ADGRB3: variants seen among roughly 807,000 people sequenced by gnomAD.
ADGRB3 encodes adhesion G protein-coupled receptor B3.
A neutral mutation model predicts 193.4 loss-of-function variants in ADGRB3; 37 were observed. The ratio of observed to expected loss-of-function variants is 0.19; its 90% confidence interval spans 0.15 to 0.25. The LOEUF (loss-of-function observed/expected upper bound fraction) is 0.25, where lower values mean the gene tolerates loss of function less well. Ranked by LOEUF, ADGRB3 falls within the 10% of genes least tolerant of loss-of-function variation. The pLI, the probability that ADGRB3 is intolerant of heterozygous loss-of-function variation, is 1.00. For missense variants in ADGRB3, 1,637 were observed against 1,852.9 expected (o/e 0.88, Z 2.14); for synonymous variants, 690 against 644.2 (o/e 1.07, Z -1.08).
intron 3 of ADGRB3, among the ~76,000 whole-genome samples, chr6:68,908,107 ATAAAT>A (rs914601219): frequency 1.3e-5 from 2 of 152,026 alleles, no homozygotes; most frequent in Non-Finnish European, 2.9e-5. Flanking sequence ...ATTAAAGACA[ATAAAT>A]TATTTAATTA....
At chr6:68,699,034 A>G (rs1765200069) in intron 3 of ADGRB3, among the ~76,000 whole-genome samples, 1 of 152,162 alleles carries the variant, frequency 6.6e-6, no homozygotes, top group Non-Finnish European at 1.5e-5. Flanking sequence ...AATAAAATGA[A>G]TATTAAAATA....
chr6:68,780,018 T>C (rs1227367661), intron 3 of ADGRB3, among the ~76,000 whole-genome samples: 1 of 152,106 alleles, frequency 6.6e-6, no homozygotes, highest in Non-Finnish European at 1.5e-5. Flanking sequence ...AGTATACATA[T>C]ATTTGTTCCC....
Position 69,222,842 on chromosome 6 carries a change from A to G in ADGRB3, c.2481-10448A>G, listed in dbSNP as rs368894151. Among the ~76,000 whole-genome samples, 29 of 152,308 alleles carry G rather than the reference A, an allele frequency of 1.9e-4. No individual in the cohort carries two copies. In the East Asian group the frequency reaches 4.6e-3, roughly 24 times the overall value. On this transcript the variant is annotated intron_variant, in intron 17 of 31. Coordinates refer to ENST00000370598, the MANE Select transcript of ADGRB3 (RefSeq NM_001704.3). ...TATTGATTTTTAAAAAAAGAATTCA[A>G]TAGTTTCAAATGAGTGATATTGGGA...
At chr6:68,898,682 C>T (rs1358203677) in intron 3 of ADGRB3, among the ~76,000 whole-genome samples, 5 of 152,082 alleles carry the variant, frequency 3.3e-5, no homozygotes, top group East Asian at 1.9e-4. Context: ...ACTTTGCAGT[C>T]GAGAAATCAG....
intron 17 of ADGRB3, among the ~76,000 whole-genome samples, chr6:69,153,395 C>A (rs1389322761): frequency 6.6e-6 from 1 of 151,976 alleles, no homozygotes; most frequent in African/African-American, 2.4e-5. Flanking sequence ...AATGGAATAA[C>A]AAAGGATAAA....
In ADGRB3 at chr6:68,656,046, A is replaced by T. The variant is rs1205242155; in HGVS notation, c.757+16614A>T. Among the ~76,000 whole-genome samples, 4 of 151,714 alleles carry T rather than the reference A, an allele frequency of 2.6e-5. No individual in the cohort carries two copies. The Middle Eastern group carries it at 0.01, about 387-fold the overall frequency. On this transcript the variant is annotated intron_variant, in intron 3 of 31. Transcript: ENST00000370598. ...AAGTATAATTTATGTCTTGGCCTGTATTGAATGCCTTTTTCCTCCTGAGCA... is the reference window on the plus strand; with the variant it reads ...AAGTATAATTTATGTCTTGGCCTGTTTTGAATGCCTTTTTCCTCCTGAGCA...
chr6:69,080,849 A>G (rs1772366628), intron 17 of ADGRB3, among the ~76,000 whole-genome samples: 1 of 152,022 alleles, frequency 6.6e-6, no homozygotes, highest in African/African-American at 2.4e-5. Flanking sequence ...AACTGATTAC[A>G]TTATTACAGT....
intron 20 of ADGRB3, among the ~76,000 whole-genome samples, chr6:69,257,065 G>T (rs973501366): frequency 6.6e-6 from 1 of 152,218 alleles, no homozygotes; most frequent in South Asian, 2.1e-4. Context: ...ACTTGATCAC[G>T]GTGGATAAGC....
intron 17 of ADGRB3, among the ~76,000 whole-genome samples, chr6:69,106,174 A>AAAAAAAAAAAAC: frequency 6.7e-6 from 1 of 149,112 alleles, no homozygotes; most frequent in Non-Finnish European, 1.5e-5. Context: ...TAAAAAAAAA[A>AAAAAAAAAAAAC]AAAAAAAAAG....
At chr6:68,651,155 G>C (rs886626277) in intron 3 of ADGRB3, among the ~76,000 whole-genome samples, 1 of 152,150 alleles carries the variant, frequency 6.6e-6, no homozygotes, top group Non-Finnish European at 1.5e-5. Flanking sequence ...TTACAGATAT[G>C]TCAGCCTGTG....
intron 3 of ADGRB3, among the ~76,000 whole-genome samples, chr6:68,753,101 C>T (rs1562016138): frequency 6.6e-6 from 1 of 152,114 alleles, no homozygotes. Context: ...AGAAGAGCTG[C>T]TATGGAAAAG....
At chr6:69,017,648 A>G (rs1336654) in intron 12 of ADGRB3, among the ~76,000 whole-genome samples, 15,679 of 151,880 alleles carry the variant, frequency 0.1, 1,740 homozygotes, top group East Asian at 0.59. Flanking sequence ...CTAGGTAGGC[A>G]GGTAGATAAG....
intron 17 of ADGRB3, among the ~76,000 whole-genome samples, chr6:69,109,897 A>G (rs140130632): frequency 4.5e-4 from 68 of 151,406 alleles, no homozygotes; most frequent in African/African-American, 1.5e-3. Flanking sequence ...AATAGCCATG[A>G]TACTTCAAAA....
At chr6:68,736,348 T>A (rs1400694928) in intron 3 of ADGRB3, among the ~76,000 whole-genome samples, 1 of 152,162 alleles carries the variant, frequency 6.6e-6, no homozygotes, top group African/African-American at 2.4e-5. Context: ...TTTTACAACA[T>A]AATTAACATT....
chr6:68,708,911 T>A (rs1765367203), intron 3 of ADGRB3, among the ~76,000 whole-genome samples: 1 of 152,126 alleles, frequency 6.6e-6, no homozygotes, highest in Non-Finnish European at 1.5e-5. Context: ...ACTTTTTTTT[T>A]AACTTAATAA....
rs977122221 is a variant in ADGRB3 at position 69,389,474 on chromosome 6, A to G, written c.*583A>G. ...TGCAGCTGTGTATAAAATATTTAAAATGTTGTATGGTGTAAATAAACTTTT... is the reference window on the plus strand; with the variant it reads ...TGCAGCTGTGTATAAAATATTTAAAGTGTTGTATGGTGTAAATAAACTTTT... On this transcript the variant is annotated 3_prime_UTR_variant, in exon 32 of 32. Coordinates refer to ENST00000370598, the MANE Select transcript of ADGRB3 (RefSeq NM_001704.3). The G allele has an allele frequency of 2.6e-5, 4 of 152,590 alleles. No individual in the cohort carries two copies. Among genetic ancestry groups the G allele is most frequent in the African/African-American group, 9.7e-5 (4 of 41,440 alleles). The allele number at this position is 152,590 out of a possible 1,614,324, so 9.5% of individuals were successfully genotyped here. A position where few individuals can be genotyped will look rare whatever the true frequency, so the allele number is the denominator to read the frequency against.
chr6:68,956,445 C>T (rs1459588863), intron 7 of ADGRB3, among the ~76,000 whole-genome samples, 200 bp from the exon 8 acceptor site: 2 of 152,088 alleles, frequency 1.3e-5, no homozygotes, highest in African/African-American at 2.4e-5. Context: ...AAGTTTAGCA[C>T]TGAGCTTGCA....
intron 3 of ADGRB3, among the ~76,000 whole-genome samples, chr6:68,670,906 A>C (rs1158012742): frequency 1.3e-5 from 2 of 151,776 alleles, no homozygotes; most frequent in Non-Finnish European, 2.9e-5. Flanking sequence ...AATATTTTTC[A>C]ATTTTTTTGG....
intron 17 of ADGRB3, among the ~76,000 whole-genome samples, chr6:69,202,539 G>A (rs990252249): frequency 6.6e-6 from 1 of 152,010 alleles, no homozygotes; most frequent in African/African-American, 2.4e-5. Flanking sequence ...ACTTGCACCT[G>A]CAATATTAAT....
Sources: allele counts gnomAD v4.1 joint callset (sites outside exome capture counted in the v4.1 genomes callset), GRCh38; gene constraint gnomAD v4.1.1; transcripts MANE v1.5; gene names NCBI Gene and HGNC (gene_info 2026-07-23, HGNC 2026-07-21).